The following CACNB2 variants were observed in gnomAD, a reference collection of about 807,000 sequenced individuals.
CACNB2 encodes voltage-dependent L-type calcium channel subunit beta-2.
Under a neutral mutation model 73.3 loss-of-function variants are expected in CACNB2, and 42 were observed. The observed-to-expected ratio is 0.57, with a 90% CI of 0.45 to 0.74. The LOEUF (loss-of-function observed/expected upper bound fraction) is 0.74. Among genes scored for constraint, CACNB2 ranks in the 30% least tolerant of loss-of-function variants. The probability of loss-of-function intolerance (pLI) is 0.00; values close to 1 mark genes in which losing one functional copy is unlikely to be tolerated. For missense variants in CACNB2, 940 were observed against 853.0 expected (o/e 1.10, Z -1.27); for synonymous variants, 348 against 310.3 (o/e 1.12, Z -1.28).
At chr10:18,436,665 GT>G (rs1320149411) in intron 3 of CACNB2, among the ~76,000 whole-genome samples, 7 of 152,194 alleles carry the variant, frequency 4.6e-5, no homozygotes, top group African/African-American at 1.7e-4. Context: ...ATAATCAGAG[GT>G]TTTTATACCT....
Position 18,150,995 on chromosome 10 carries a change from G to C in CACNB2, c.213+20G>C. 1.4e-6 allele frequency: 2 copies of C among 1,453,838 alleles called. No homozygotes were observed. Among genetic ancestry groups the C allele is most frequent in the Non-Finnish European group, 1.9e-6 (2 of 1,036,872 alleles). 90.1% of individuals were successfully genotyped at this position (1,453,838 alleles called of 1,614,324 possible). On this transcript the variant is annotated intron_variant, in intron 2 of 13. Transcript: ENST00000324631. ...CGCCAGGTAAGAGTTTTAAGTTCATGGTTTTGATAAGTACCTTAAAATGAC... is the reference window on the plus strand; with the variant it reads ...CGCCAGGTAAGAGTTTTAAGTTCATCGTTTTGATAAGTACCTTAAAATGAC...
At chr10:18,150,111 T>G (rs2131026151) in intron 1 of CACNB2, among the ~76,000 whole-genome samples, 1 of 152,354 alleles carries the variant, frequency 6.6e-6, no homozygotes, top group East Asian at 1.9e-4. Context: ...CATCTATGCT[T>G]AGAATTAAAC....
chr10:18,383,928 A>G (rs1302399670), intron 2 of CACNB2, among the ~76,000 whole-genome samples: 2 of 151,834 alleles, frequency 1.3e-5, no homozygotes, highest in African/African-American at 4.8e-5. Flanking sequence ...CTGGTCTCAA[A>G]CTCCTGACTT....
chr10:18,423,952 T>C (rs576130169), intron 3 of CACNB2, among the ~76,000 whole-genome samples: 2 of 152,278 alleles, frequency 1.3e-5, no homozygotes, highest in East Asian at 3.9e-4. Context: ...TAATAAAAAT[T>C]TATTGAAAAT....
intron 3 of CACNB2, among the ~76,000 whole-genome samples, chr10:18,497,823 A>G (rs1275491203): frequency 6.6e-6 from 1 of 152,224 alleles, no homozygotes; most frequent in East Asian, 1.9e-4. Flanking sequence ...AATAGAAGAA[A>G]AAGTCATTGC....
chr10:18,283,586 C>T (rs555738828), intron 2 of CACNB2, among the ~76,000 whole-genome samples: 23 of 149,280 alleles, frequency 1.5e-4, no homozygotes, highest in Admixed American at 5.4e-4. Context: ...AACCAAACAC[C>T]GCATGTTCTC....
chr10:18,299,619 G>A (rs1291400538), intron 2 of CACNB2, among the ~76,000 whole-genome samples: 4 of 152,166 alleles, frequency 2.6e-5, no homozygotes, highest in African/African-American at 9.7e-5. Flanking sequence ...GCTGAGGTGG[G>A]AGGATCAATT....
intron 2 of CACNB2, among the ~76,000 whole-genome samples, chr10:18,214,200 A>G (rs11013031): frequency 0.18 from 4,354 of 24,162 alleles, 1,287 homozygotes; most frequent in African/African-American, 0.24. Flanking sequence ...TTTCAAATTC[A>G]TTTTTTAAAA....
At chr10:18,532,697 C>CAAAAAA (rs1187679628) in intron 10 of CACNB2, among the ~76,000 whole-genome samples, 1 of 125,112 alleles carries the variant, frequency 8.0e-6, no homozygotes, top group African/African-American at 3.2e-5. Flanking sequence ...AAAAAAAAAA[C>CAAAAAA]AAAACAAAAA....
rs993606832 is a variant in CACNB2, at chr10:18,488,715, C to T, written c.334-9640C>T. 4.6e-5 allele frequency among the ~76,000 whole-genome samples: 7 copies of T among 151,958 alleles called. No individual in the cohort carries two copies. The South Asian group carries it at 1.5e-3, about 32-fold the overall frequency. ...ATTTTTAGCATTTTGTAAATTATAACTTTCAAGTCTTCAAAATTTCACATA... is the reference window on the plus strand; with the variant it reads ...ATTTTTAGCATTTTGTAAATTATAATTTTCAAGTCTTCAAAATTTCACATA... On this transcript the variant is annotated intron_variant, in intron 3 of 13. Coordinates refer to ENST00000324631, the MANE Select transcript of CACNB2 (RefSeq NM_201596.3).
intron 10 of CACNB2, among the ~76,000 whole-genome samples, chr10:18,530,151 T>C (rs1051281346): frequency 6.6e-6 from 1 of 152,152 alleles, no homozygotes; most frequent in African/African-American, 2.4e-5. Flanking sequence ...ATGGGAATTA[T>C]GGGAGCTACA....
chr10:18,532,206 T>G lies in CACNB2; in HGVS notation c.1055-1870T>G, dbSNP rs11812134. Among the ~76,000 whole-genome samples, 836 of 152,220 alleles carry G rather than the reference T, an allele frequency of 5.5e-3. 8 individuals are homozygous for G. The highest frequency in any genetic ancestry group is 0.019 in the African/African-American group (777 of 41,528). The stretch of plus-strand genomic sequence containing the variant: ...GCACCAGGATTCTGAAAGTCCACTT[T>G]AAAATATTTTAAAACTCTTTCCCTT... On this transcript the variant is annotated intron_variant, in intron 10 of 13. Coordinates refer to ENST00000324631, the MANE Select transcript of CACNB2 (RefSeq NM_201596.3).
Position 18,471,660 on chromosome 10 carries a change from C to T in CACNB2, c.334-26695C>T, listed in dbSNP as rs201585006. Among the ~76,000 whole-genome samples, 159 of 152,270 alleles carry T rather than the reference C, an allele frequency of 1.0e-3. 1 individual carries two copies. The East Asian group carries it at 0.028, about 27-fold the overall frequency. ...TTGGAATTACAGCTTAGACTCCTGTCTCTACCACATGTAACTATGGCCTGC... is the reference window on the plus strand; with the variant it reads ...TTGGAATTACAGCTTAGACTCCTGTTTCTACCACATGTAACTATGGCCTGC... On this transcript the variant is annotated intron_variant, in intron 3 of 13. Coordinates refer to ENST00000324631, the MANE Select transcript of CACNB2 (RefSeq NM_201596.3).
intron 2 of CACNB2, among the ~76,000 whole-genome samples, chr10:18,391,280 T>C (rs943427250): frequency 6.6e-6 from 1 of 152,258 alleles, no homozygotes; most frequent in Non-Finnish European, 1.5e-5. Flanking sequence ...CCGTTCATCA[T>C]GGAAAGTCAC....
chr10:18,405,958 A>G (rs576018262), intron 3 of CACNB2, among the ~76,000 whole-genome samples: 25 of 151,976 alleles, frequency 1.6e-4, no homozygotes, highest in Admixed American at 1.6e-3. Context: ...TCAAAAACAA[A>G]CAAACAAACA....
rs148465194 is a variant in CACNB2, at chr10:18,402,090, C to G, written c.333+47C>G. 5 of 1,599,030 alleles carry G rather than the reference C, an allele frequency of 3.1e-6. No individual in the cohort carries two copies. In the African/African-American group the frequency reaches 6.7e-5, roughly 21 times the overall value. On this transcript the variant is annotated intron_variant, in intron 3 of 13. Transcript: ENST00000324631. ...CAAGATCTTTGCAAGTTGTGCTGTG[C>G]CCCTGATAGACCACCTGTGGGAGTT...
At chr10:18,369,035 A>C (rs2042469111) in intron 2 of CACNB2, among the ~76,000 whole-genome samples, 2 of 152,156 alleles carry the variant, frequency 1.3e-5, no homozygotes, top group Admixed American at 6.6e-5. Flanking sequence ...ATCAAATTTG[A>C]AATTTTTCTT....
At chr10:18,306,421 T>A (rs1254680936) in intron 2 of CACNB2, among the ~76,000 whole-genome samples, 6 of 151,882 alleles carry the variant, frequency 4.0e-5, no homozygotes, top group Non-Finnish European at 1.5e-5. Context: ...ATGTAAAGGG[T>A]TTCCTGTGGT....
intron 2 of CACNB2, among the ~76,000 whole-genome samples, chr10:18,368,585 A>C (rs1488620598): frequency 6.6e-6 from 1 of 152,210 alleles, no homozygotes; most frequent in Non-Finnish European, 1.5e-5. Context: ...TGGTGTTAAC[A>C]TTTTAGGGAA....
Sources: allele counts gnomAD v4.1 joint callset (sites outside exome capture counted in the v4.1 genomes callset), GRCh38; gene constraint gnomAD v4.1.1; transcripts MANE v1.5; gene names NCBI Gene and HGNC (gene_info 2026-07-23, HGNC 2026-07-21).